UQCC1: variants seen among roughly 807,000 people sequenced by gnomAD.
UQCC1 encodes the protein bFGF-repressed Zic-binding protein.
Under a neutral mutation model 48.0 loss-of-function variants are expected in UQCC1, and 38 were observed. The observed-to-expected ratio is 0.79, with a 90% confidence interval of 0.61 to 1.04. The LOEUF is 1.04. Ranked by LOEUF, UQCC1 falls within the 50% of genes least tolerant of loss-of-function variation. UQCC1 has a pLI of 0.00. For synonymous variants in UQCC1, 111 were observed against 129.2 expected, an observed-to-expected ratio of 0.86 and a Z score of 0.95; for missense variants, 368 against 381.8, an observed-to-expected ratio of 0.96 and a Z score of 0.30.
chr20:35,324,454 G>A (rs1274650824), intron 7 of UQCC1, among the ~76,000 whole-genome samples: 2 of 152,172 alleles, frequency 1.3e-5, no homozygotes, highest in African/African-American at 4.8e-5. Flanking sequence ...AGCCTCCAGA[G>A]TAGCTGGGAC....
intron 1 of UQCC1, among the ~76,000 whole-genome samples, chr20:35,407,293 T>C (rs995469278): frequency 5.9e-5 from 9 of 151,876 alleles, no homozygotes; most frequent in Non-Finnish European, 2.9e-5. Context: ...CCAGGTGTGC[T>C]GGTGCATGAC....
At chr20:35,349,459 G>A (rs768612798) in intron 6 of UQCC1, among the ~76,000 whole-genome samples, 6 of 152,174 alleles carry the variant, frequency 3.9e-5, no homozygotes, top group Non-Finnish European at 5.9e-5. Context: ...TAACAATGCT[G>A]CCCTCCAAAT....
chr20:35,407,605 G>A (rs781746475), intron 1 of UQCC1, among the ~76,000 whole-genome samples: 9 of 152,178 alleles, frequency 5.9e-5, no homozygotes, highest in Non-Finnish European at 1.2e-4. Context: ...TGAAAAACTT[G>A]CCAGATGCAG....
intron 7 of UQCC1, among the ~76,000 whole-genome samples, chr20:35,317,226 C>G (rs753077502): frequency 5.4e-4 from 82 of 152,250 alleles, no homozygotes; most frequent in Non-Finnish European, 1.0e-3. Context: ...GCGTGAGCCA[C>G]TGCGCCCGGC....
chr20:35,350,639 T>C (rs955135941), intron 6 of UQCC1, among the ~76,000 whole-genome samples: 12 of 152,058 alleles, frequency 7.9e-5, no homozygotes, highest in African/African-American at 2.9e-4. Context: ...GAGGTTGCAG[T>C]GCCAAGATCG....
intron 5 of UQCC1, among the ~76,000 whole-genome samples, chr20:35,372,751 C>A (rs1171242141): frequency 1.3e-5 from 2 of 152,070 alleles, no homozygotes; most frequent in East Asian, 3.9e-4. Flanking sequence ...CACCTGTAGT[C>A]CCAGCTACTC....
chr20:35,408,716 G>T (rs183587231), intron 1 of UQCC1, among the ~76,000 whole-genome samples: 34 of 152,020 alleles, frequency 2.2e-4, no homozygotes, highest in Admixed American at 1.6e-3. Context: ...GTAGCCAGGC[G>T]TGGTGGCACA....
chr20:35,335,849 T>C (rs910942231), intron 7 of UQCC1, among the ~76,000 whole-genome samples: 2 of 152,232 alleles, frequency 1.3e-5, no homozygotes. Context: ...ATCTGCCCTC[T>C]AGAAGCTAAC....
chr20:35,327,867 T>C (rs1314034135), intron 7 of UQCC1, among the ~76,000 whole-genome samples: 1 of 151,914 alleles, frequency 6.6e-6, no homozygotes, highest in East Asian at 1.9e-4. Context: ...CTGGGCATGG[T>C]GGTGGGTGCC....
At chr20:35,370,256 A>G (rs1168242967) in intron 5 of UQCC1, among the ~76,000 whole-genome samples, 1 of 145,270 alleles carries the variant, frequency 6.9e-6, no homozygotes, top group Non-Finnish European at 1.5e-5. Context: ...TTTTCTGCCC[A>G]GGCTGGTCTT....
At chr20:35,363,457 T>C (rs948021536) in intron 6 of UQCC1, among the ~76,000 whole-genome samples, 1 of 152,176 alleles carries the variant, frequency 6.6e-6, no homozygotes, top group African/African-American at 2.4e-5. Flanking sequence ...AGTATACAAC[T>C]GATAAGGGTC....
At chr20:35,401,683 C>CA (rs1464767695) in intron 1 of UQCC1, among the ~76,000 whole-genome samples, 4 of 104,180 alleles carry the variant, frequency 3.8e-5, no homozygotes, top group Non-Finnish European at 5.5e-5. Context: ...TTTTTTGAGA[C>CA]AGAGTTTCAC....
chr20:35,381,979 C>G lies in UQCC1; in HGVS notation c.272G>C (p.Gly91Ala). The G allele has an allele frequency of 6.2e-7, 1 of 1,613,202 alleles. No individual in the cohort carries two copies. The change falls in exon 4 of 10, where the codon GGT becomes GCT. Residue 91 changes from glycine (G) to alanine (A), a missense_variant. Gly to Ala is a moderately conservative substitution (Grantham distance 60). Coordinates refer to ENST00000374385, the MANE Select transcript of UQCC1 (RefSeq NM_018244.5). Reference sequence around the variant, plus strand: ...GGCTTCTATTATCTTTGTGAAAGCACCAACCTTCTCCTCAACAGGCTGTGG... The same window carrying G: ...GGCTTCTATTATCTTTGTGAAAGCAGCAACCTTCTCCTCAACAGGCTGTGG... ...DSPQPVEEKV[G>A]AFTKIIEAMG...
chr20:35,311,169 A>C (rs2060989373), intron 8 of UQCC1, among the ~76,000 whole-genome samples: 1 of 152,168 alleles, frequency 6.6e-6, no homozygotes. Flanking sequence ...TCTATAGGGC[A>C]GTAAGGCAAA....
At chr20:35,388,153 T>A (rs1002587486) in intron 2 of UQCC1, among the ~76,000 whole-genome samples, 7 of 151,864 alleles carry the variant, frequency 4.6e-5, no homozygotes, top group East Asian at 1.9e-4. Context: ...CTAATTTTTT[T>A]ATTTTTTTAG....
At chr20:35,322,278 A>G (rs1568655499) in intron 7 of UQCC1, among the ~76,000 whole-genome samples, 1 of 152,000 alleles carries the variant, frequency 6.6e-6, no homozygotes, top group South Asian at 2.1e-4. Context: ...ACTGATAATA[A>G]TGATGACAGT....
chr20:35,357,249 A>T (rs8116530), intron 6 of UQCC1, among the ~76,000 whole-genome samples: 24 of 152,118 alleles, frequency 1.6e-4, no homozygotes, highest in African/African-American at 5.8e-4. Flanking sequence ...GGCCGGGCGC[A>T]GTGGCTCACG....
chr20:35,338,102 T>C (rs2061333406), intron 7 of UQCC1, among the ~76,000 whole-genome samples: 1 of 152,128 alleles, frequency 6.6e-6, no homozygotes, highest in Non-Finnish European at 1.5e-5. Flanking sequence ...TCAGATGATG[T>C]AGAGACACTC....
intron 2 of UQCC1, among the ~76,000 whole-genome samples, chr20:35,388,308 T>TTTTTTTTTTTTTTTG: frequency 8.2e-6 from 1 of 121,250 alleles, no homozygotes; most frequent in Non-Finnish European, 1.7e-5. Context: ...TCTTTTTTTT[T>TTTTTTTTTTTTTTTG]GAGACAGGGT....
Sources: gnomAD v4.1 joint callset for allele counts (sites outside exome capture counted in the v4.1 genomes callset) on GRCh38, gnomAD v4.1.1 for gene constraint, MANE v1.5 for transcripts, NCBI Gene and HGNC (gene_info 2026-07-23, HGNC 2026-07-21) for gene names.